GK5: variants seen among roughly 807,000 people sequenced by gnomAD.
The protein encoded by GK5 is ATP:glycerol 3-phosphotransferase 5.
Under a neutral mutation model 77.3 loss-of-function variants are expected in GK5, and 39 were observed. The ratio of observed to expected loss-of-function variants is 0.50; its 90% CI spans 0.39 to 0.66. The LOEUF (loss-of-function observed/expected upper bound fraction) is 0.66, where lower values mean the gene tolerates loss of function less well. Among genes scored for constraint, GK5 ranks in the 30% least tolerant of loss-of-function variants. The probability of loss-of-function intolerance (pLI) is 0.00; values close to 1 mark genes in which losing one functional copy is unlikely to be tolerated. For missense variants in GK5, 487 were observed against 633.8 expected (o/e 0.77, Z 2.49); for synonymous variants, 211 against 208.0 (o/e 1.01, Z -0.13).
chr3:142,170,524 A>T, intron 14 of GK5, 66 bp from the exon 15 acceptor site: 1 of 1,355,076 alleles, frequency 7.4e-7, no homozygotes, highest in Non-Finnish European at 1.0e-6. Flanking sequence ...TCAGTGGGCC[A>T]CATTTTTTTC....
chr3:142,200,096 T>TAC (rs1403221930), intron 4 of GK5, among the ~76,000 whole-genome samples: 100 of 147,744 alleles, frequency 6.8e-4, no homozygotes, highest in African/African-American at 2.3e-3. Context: ...TCTATATATA[T>TAC]ATACACACAC....
At chr3:142,206,915 G>A (rs555504880) in intron 3 of GK5, among the ~76,000 whole-genome samples, 5 of 152,240 alleles carry the variant, frequency 3.3e-5, no homozygotes, top group East Asian at 3.9e-4. Flanking sequence ...TGATTGCTAC[G>A]GTTCATTTAA....
In GK5 at chr3:142,215,692, C is replaced by T. The variant is rs1179127131; in HGVS notation, c.148G>A (p.Val50Ile). ...CCAATTTGAGGATAAAGATTTTCTA[C>T]CTATTAAGGAAAAGAAGATTTAGTA... is the stretch of plus-strand genomic sequence containing the variant. The part of the protein sequence containing the change: ...ARVCGSSVQK[V>I]ENLYPQIGWV... Residue 50 changes from valine (V) to isoleucine (I), a missense_variant and splice_region_variant, in exon 2 of 16, where the codon GTA (valine) becomes ATA (isoleucine). Transcript: ENST00000392993. 1 of 1,502,040 alleles carries T rather than the reference C, an allele frequency of 6.7e-7. No individual in the cohort carries two copies. The highest frequency in any genetic ancestry group is 9.2e-7 in the Non-Finnish European group (1 of 1,082,600). The allele number at this position is 1,502,040 out of a possible 1,614,324, so 93.0% of individuals were successfully genotyped here.
Position 142,186,200 on chromosome 3 carries a change from T to C in GK5, c.749A>G (p.Asp250Gly), listed in dbSNP as rs752358894. 6.4e-7 allele frequency: 1 copy of C among 1,569,768 alleles called. No individual in the cohort carries two copies. Among genetic ancestry groups the C allele is most frequent in the South Asian group, 1.1e-5 (1 of 89,984 alleles). Residue 250 changes from aspartate to glycine, a missense_variant, in exon 8 of 16, where the codon GAC becomes GGC. Around this residue, in one of 4 missense-constraint regions of GK5, gnomAD observed 323 missense variants for 437.4 expected, o/e 0.74. Coordinates refer to ENST00000392993, the MANE Select transcript of GK5 (RefSeq NM_001039547.3). ...IPLSLLPPVR[D>G]TSHNFGSVDE... The stretch of plus-strand genomic sequence containing the variant: ...GTCTGATGTTTATTATTACCTTGTG[T>C]CCCTCACAGGAGGTAGGAGAGAAAG...
At chr3:142,220,310 T>C (rs1324458667) in intron 1 of GK5, among the ~76,000 whole-genome samples, 1 of 152,192 alleles carries the variant, frequency 6.6e-6, no homozygotes. Context: ...TAATTTTTTG[T>C]ATTTTTAGTA....
At chr3:142,213,077 G>A (rs897520628) in intron 3 of GK5, among the ~76,000 whole-genome samples, 11 of 151,840 alleles carry the variant, frequency 7.2e-5, no homozygotes, top group Admixed American at 4.6e-4. Context: ...CTCGTGATCC[G>A]CCCACCTCGG....
At chr3:142,202,750 A>G (rs2064045670) in intron 4 of GK5, among the ~76,000 whole-genome samples, 1 of 152,176 alleles carries the variant, frequency 6.6e-6, no homozygotes, top group Non-Finnish European at 1.5e-5. Flanking sequence ...TGAGGCTAGG[A>G]GTTCAAGACC....
intron 6 of GK5, 117 bp from the exon 7 acceptor site, chr3:142,186,630 C>CTTTTTTTT (rs781196956): frequency 1.1e-5 from 3 of 262,470 alleles, no homozygotes; most frequent in Non-Finnish European, 2.1e-5. Context: ...TGTGTATTTT[C>CTTTTTTTT]TTTTTTTTTT....
chr3:142,214,846 C>T (rs148681178), intron 2 of GK5, among the ~76,000 whole-genome samples: 3 of 152,226 alleles, frequency 2.0e-5, no homozygotes, highest in East Asian at 1.9e-4. Context: ...GGAGAAAATA[C>T]TCCTTTCCTA....
chr3:142,182,037 T>C (rs897941998), intron 10 of GK5, among the ~76,000 whole-genome samples: 2 of 152,160 alleles, frequency 1.3e-5, no homozygotes, highest in Non-Finnish European at 2.9e-5. Flanking sequence ...AATAGAATTA[T>C]CAACATTTTC....
At chr3:142,175,604 G>T (rs2063598880) in intron 12 of GK5, among the ~76,000 whole-genome samples, 1 of 151,954 alleles carries the variant, frequency 6.6e-6, no homozygotes, top group Admixed American at 6.6e-5. Flanking sequence ...CATTATTGCT[G>T]TTTGGTTTAA....
In GK5 at chr3:142,159,849, C is replaced by CTTTTTTTTTTTTTTTTTTT. The variant is rs1399191009; in HGVS notation, c.*5772_*5773insAAAAAAAAAAAAAAAAAAA. On this transcript the variant is annotated 3_prime_UTR_variant, in exon 16 of 16. Transcript: ENST00000392993. ...GGGCTTTCTCTCTCTCTCTCTCTCT[C>CTTTTTTTTTTTTTTTTTTT]TCTCTTTTTTTTTTTTGAGACAGAG... The CTTTTTTTTTTTTTTTTTTT allele has an allele frequency of 4.1e-4, 43 of 104,820 alleles. 3 individuals are homozygous for CTTTTTTTTTTTTTTTTTTT. The highest frequency in any genetic ancestry group is 1.6e-3 in the African/African-American group (39 of 24,624). The allele number at this position is 104,820 out of a possible 1,614,324, so 6.5% of individuals were successfully genotyped here.
At chr3:142,223,237 C>T (rs757797680) in intron 1 of GK5, among the ~76,000 whole-genome samples, 2 of 152,150 alleles carry the variant, frequency 1.3e-5, no homozygotes, top group Non-Finnish European at 2.9e-5. Flanking sequence ...TCTAGTAATT[C>T]ATTTCTCCCT....
intron 12 of GK5, among the ~76,000 whole-genome samples, chr3:142,174,148 T>C (rs1478262628): frequency 6.6e-6 from 1 of 152,228 alleles, no homozygotes; most frequent in Non-Finnish European, 1.5e-5. Context: ...CCTTGTCCGA[T>C]GTACTCCCAG....
Position 142,183,152 on chromosome 3 carries a change from T to A in GK5, c.817-103A>T, listed in dbSNP as rs960944079. On this transcript the variant is annotated intron_variant, in intron 9 of 15. Coordinates refer to ENST00000392993, the MANE Select transcript of GK5 (RefSeq NM_001039547.3). ...GTACTCTCATGATTAAACATCTTCG[T>A]TTCTTTTTCCTTTTCCTTAAAATTA... 2.2e-5 allele frequency: 23 copies of A among 1,068,500 alleles called. No individual in the cohort carries two copies. In the African/African-American group the frequency reaches 3.7e-4, roughly 17 times the overall value. The allele number at this position is 1,068,500 out of a possible 1,614,324, so 66.2% of individuals were successfully genotyped here. A position where few individuals can be genotyped will look rare whatever the true frequency, so the allele number is the denominator to read the frequency against.
chr3:142,204,448 C>A, intron 4 of GK5: 1 of 525,132 alleles, frequency 1.9e-6, no homozygotes. Context: ...AGGACAGAAA[C>A]ACAAATTCTC....
At chr3:142,187,036 C>T (rs1349036009) in intron 6 of GK5, among the ~76,000 whole-genome samples, 2 of 152,072 alleles carry the variant, frequency 1.3e-5, no homozygotes, top group East Asian at 1.9e-4. Context: ...TGTCACTTTA[C>T]GATCCCCCAG....
chr3:142,184,139 T>C (rs551434990), intron 9 of GK5, among the ~76,000 whole-genome samples: 1 of 151,116 alleles, frequency 6.6e-6, no homozygotes. Context: ...CAGGTGCCTG[T>C]AGTCCCAGCT....
At position 142,170,322 on chromosome 3, in the gene GK5, T is replaced by A; in HGVS notation, c.1441+3A>T. 2 of 1,613,894 alleles carry A rather than the reference T, an allele frequency of 1.2e-6. No individual in the cohort carries two copies. The highest frequency in any genetic ancestry group is 2.2e-5 in the East Asian group (1 of 44,878). ...CTCTCATTCTTATAAATTTCACACA[T>A]ACCAACAGCAAGGCCAGCTAGAGAA... On this transcript the variant is annotated splice_donor_region_variant and intron_variant, in intron 15 of 15. Coordinates refer to ENST00000392993, the MANE Select transcript of GK5 (RefSeq NM_001039547.3).
Sources: gnomAD v4.1 joint callset for allele counts (sites outside exome capture counted in the v4.1 genomes callset) on GRCh38, gnomAD v4.1.1 for gene constraint, gnomAD v4.1.1 regional missense constraint, MANE v1.5 for transcripts, NCBI Gene and HGNC (gene_info 2026-07-23, HGNC 2026-07-21) for gene names.